BIRC6: variants seen among roughly 807,000 people sequenced by gnomAD.
BIRC6 encodes dual E2 ubiquitin-conjugating enzyme/E3 ubiquitin-protein ligase BIRC6.
Under a neutral mutation model 503.3 loss-of-function variants are expected in BIRC6, and 98 were observed. The ratio of observed to expected loss-of-function variants is 0.19; its 90% CI spans 0.17 to 0.23. The LOEUF (loss-of-function observed/expected upper bound fraction) is 0.23, where lower values mean the gene tolerates loss of function less well. Among genes scored for constraint, BIRC6 ranks in the 10% least tolerant of loss-of-function variants. The pLI is 1.00. For synonymous variants in BIRC6, 2,240 were observed against 2,078.7 expected, an observed-to-expected ratio of 1.08 and a Z score of -2.11; for missense variants, 5,360 against 5,806.0, an observed-to-expected ratio of 0.92 and a Z score of 2.50.
rs551642669 is a variant in BIRC6, at chr2:32,429,437, A to G, written c.3022+142A>G. ...TATGTTACTCAATATTTGTGAAGTCATCTAAGAGGTTAAAACAAACATTTC... is the reference window on the plus strand; with the variant it reads ...TATGTTACTCAATATTTGTGAAGTCGTCTAAGAGGTTAAAACAAACATTTC... On this transcript the variant is annotated intron_variant, in intron 11 of 73. Coordinates refer to ENST00000421745, the MANE Select transcript of BIRC6 (RefSeq NM_016252.4). 1.9e-5 allele frequency: 12 copies of G among 616,352 alleles called. No individual in the cohort carries two copies. In the South Asian group the frequency reaches 3.8e-4, roughly 19 times the overall value. The allele number at this position is 616,352 out of a possible 1,614,324, so 38.2% of individuals were successfully genotyped here.
At chr2:32,607,975 CAAAAAAA>C (rs35242178) in intron 72 of BIRC6, among the ~76,000 whole-genome samples, 9 of 51,918 alleles carry the variant, frequency 1.7e-4, no homozygotes, top group African/African-American at 2.5e-4. Flanking sequence ...ACTCCATCTC[CAAAAAAA>C]AAAAAAAAAA....
Position 32,575,164 on chromosome 2 carries a change from A to T in BIRC6, c.13153A>T (p.Met4385Leu). 6.2e-7 allele frequency: 1 copy of T among 1,613,958 alleles called. No homozygotes were observed. Among genetic ancestry groups the T allele is most frequent in the Non-Finnish European group, 8.5e-7 (1 of 1,179,874 alleles). ...TCTTCTTCTCCTTATAGTTCTGGACATGGCAAGACATGTGCCACTCTATCG... is the reference window on the plus strand; with the variant it reads ...TCTTCTTCTCCTTATAGTTCTGGACTTGGCAAGACATGTGCCACTCTATCG... Reference protein sequence around the residue: ...SYLRNDSVLDMARHVPLYRAL... With the variant: ...SYLRNDSVLDLARHVPLYRAL... Residue 4385 changes from methionine (M) to leucine (L), a missense_variant, in exon 66 of 74, where the codon ATG becomes TTG. Transcript: ENST00000421745.
chr2:32,511,216 T>TTTTTTTTTTTTTTTTTTTG (rs2054390420), intron 53 of BIRC6, among the ~76,000 whole-genome samples: 1 of 144,826 alleles, frequency 6.9e-6, no homozygotes, highest in African/African-American at 2.5e-5. Context: ...TTTTTTTTTT[T>TTTTTTTTTTTTTTTTTTTG]TTTTTTTTTT....
Position 32,511,133 on chromosome 2 carries a change from A to C in BIRC6, c.10346+499A>C, listed in dbSNP as rs1048218588. Among the ~76,000 whole-genome samples the C allele has an allele frequency of 3.3e-5, 5 of 151,530 alleles. No individual in the cohort carries two copies. The South Asian group carries it at 8.3e-4, about 25-fold the overall frequency. On this transcript the variant is annotated intron_variant, in intron 53 of 73. Coordinates refer to ENST00000421745, the MANE Select transcript of BIRC6 (RefSeq NM_016252.4). ...TTCCTGCTGTTTACAGAATGAAACAATATCATAACATGTAAATGACATTTG... is the reference window on the plus strand; with the variant it reads ...TTCCTGCTGTTTACAGAATGAAACACTATCATAACATGTAAATGACATTTG...
chr2:32,394,099 T>C (rs1027932728), intron 5 of BIRC6, among the ~76,000 whole-genome samples: 11 of 151,600 alleles, frequency 7.3e-5, no homozygotes, highest in African/African-American at 2.7e-4. Context: ...TCTAGCAACT[T>C]GTCTTTCTTT....
At chr2:32,600,178 T>C (rs1197480099) in intron 70 of BIRC6, among the ~76,000 whole-genome samples, 3 of 152,262 alleles carry the variant, frequency 2.0e-5, no homozygotes, top group South Asian at 4.1e-4. Flanking sequence ...TTTTAAGGTG[T>C]ACCTTATATT....
At chr2:32,447,685 G>A (rs536931194) in intron 21 of BIRC6, among the ~76,000 whole-genome samples, 2,812 of 108,322 alleles carry the variant, frequency 0.026, 56 homozygotes, top group Non-Finnish European at 0.038. Flanking sequence ...CGGACTGGGC[G>A]GCTGGCCGGG....
intron 30 of BIRC6, 145 bp from the exon 31 acceptor site, chr2:32,470,023 C>A: frequency 1.4e-6 from 1 of 696,846 alleles, no homozygotes; most frequent in Non-Finnish European, 2.1e-6. Context: ...AGATACAAAT[C>A]TTGCTTTCCC....
chr2:32,415,716 A>G lies in BIRC6; in HGVS notation c.2425A>G (p.Thr809Ala). The change falls in exon 10 of 74, where the codon ACT becomes GCT. Residue 809 changes from threonine (T) to alanine (A), a missense_variant. Physicochemically the swap from Thr to Ala is moderately conservative, Grantham distance 58. Around this residue, in one of 16 missense-constraint regions of BIRC6, gnomAD observed 700 missense variants for 739.3 expected, o/e 0.95. Transcript: ENST00000421745. ...ACATGAATCACCAGCAGATGTACAG[A>G]CTCCTTTAATAATTCAGCCTGAGCA... ...IQHESPADVQ[T>A]PLIIQPEQRN... The G allele has an allele frequency of 6.2e-7, 1 of 1,613,706 alleles. No homozygotes were observed. Among genetic ancestry groups the G allele is most frequent in the Non-Finnish European group, 8.5e-7 (1 of 1,179,822 alleles).
chr2:32,461,068 T>TTCTCTTCTCCTCTCCTCTCCTCTCC (rs2047890874), intron 23 of BIRC6, among the ~76,000 whole-genome samples: 6 of 26,838 alleles, frequency 2.2e-4, no homozygotes, highest in Non-Finnish European at 4.5e-4. Context: ...TTCTCTTCTG[T>TTCTCTTCTCCTCTCCTCTCCTCTCC]TCTCCTCTCC....
chr2:32,503,997 G>A (rs1225444606), intron 49 of BIRC6, among the ~76,000 whole-genome samples: 1 of 127,982 alleles, frequency 7.8e-6, no homozygotes, highest in Non-Finnish European at 1.6e-5. Flanking sequence ...GATTGCAGGC[G>A]TGTTTCACCA....
Position 32,545,661 on chromosome 2 carries a change from C to T in BIRC6, c.12611C>T (p.Pro4204Leu). 2 of 1,613,506 alleles carry T rather than the reference C, an allele frequency of 1.2e-6. No individual in the cohort carries two copies. The highest frequency in any genetic ancestry group is 1.7e-6 in the Non-Finnish European group (2 of 1,179,484). ...DGEGSHILQS[P>L]SANVLPTLPF... The stretch of plus-strand genomic sequence containing the variant: ...AATCTAGGTCATATTCTTCAATCTC[C>T]ATCAGCCAATGTGCTTCCAACCCTT... Residue 4204 changes from proline to leucine, a missense_variant, in exon 63 of 74, where the codon CCA becomes CTA. Physicochemically the swap from Pro to Leu is moderately conservative, Grantham distance 98. Around this residue, in one of 16 missense-constraint regions of BIRC6, gnomAD observed 477 missense variants for 574.4 expected, o/e 0.83. Coordinates refer to ENST00000421745, the MANE Select transcript of BIRC6 (RefSeq NM_016252.4).
At chr2:32,593,832 C>T in intron 66 of BIRC6, 83 bp from the exon 67 acceptor site, 2 of 1,205,832 alleles carry the variant, frequency 1.7e-6, no homozygotes, top group South Asian at 1.5e-5. Flanking sequence ...TGCACACACT[C>T]ATTTGTATAT....
intron 10 of BIRC6, among the ~76,000 whole-genome samples, chr2:32,417,216 A>ACCT (rs1451053595): frequency 2.0e-5 from 3 of 152,060 alleles, no homozygotes; most frequent in Non-Finnish European, 2.9e-5. Context: ...TGCAGCCTCA[A>ACCT]CCTCCTGGGT....
At chr2:32,573,563 C>T (rs146441956) in intron 65 of BIRC6, among the ~76,000 whole-genome samples, 38 of 152,190 alleles carry the variant, frequency 2.5e-4, no homozygotes, top group African/African-American at 6.0e-4. Context: ...CCTTATCTCA[C>T]GTTATTCACA....
rs148522235 is a variant in BIRC6 at position 32,448,810 on chromosome 2, C to G, written c.4500C>G (p.Ser1500Arg). The change falls in exon 22 of 74, where the codon AGC (serine) becomes AGG (arginine). Residue 1500 changes from serine to arginine, a missense_variant. Physicochemically the swap from Ser to Arg is moderately radical, Grantham distance 110. Coordinates refer to ENST00000421745, the MANE Select transcript of BIRC6 (RefSeq NM_016252.4). ...TATTTTTCAGATATGGATTATATAG[C>G]TCACCATTTGATCCAGTCCTCTTTG... The part of the protein sequence containing the change: ...ALLQTRYGLY[S>R]SPFDPVLFDL... 2 of 1,610,364 alleles carry G rather than the reference C, an allele frequency of 1.2e-6. No homozygotes were observed. The highest frequency in any genetic ancestry group is 1.7e-6 in the Non-Finnish European group (2 of 1,178,862).
rs2033295676 is a variant in BIRC6, at chr2:32,357,612, G to T, written c.325+126G>T. On this transcript the variant is annotated intron_variant, in intron 1 of 73. Transcript: ENST00000421745. The surrounding 1 kb of genome is among the most constrained non-coding windows in gnomAD (Gnocchi z 4.9). ...CAGGGCTGGGGGTTCGGGCCCAGCC[G>T]TGAAGGGAGGCCCGGAAGCTGATGG... The T allele has an allele frequency of 1.4e-6, 2 of 1,428,608 alleles. No homozygotes were observed. The highest frequency in any genetic ancestry group is 1.5e-5 in the African/African-American group (1 of 66,418). 88.5% of individuals were successfully genotyped at this position (1,428,608 alleles called of 1,614,324 possible). A position where few individuals can be genotyped will look rare whatever the true frequency, so the allele number is the denominator to read the frequency against.
At chr2:32,521,875 C>T (rs2055761132) in intron 57 of BIRC6, 7 of 152,026 alleles carry the variant, frequency 4.6e-5, no homozygotes. Context: ...GATTGTGTGC[C>T]TTACAATTTT....
At chr2:32,434,261 C>T (rs1254562413) in intron 13 of BIRC6, among the ~76,000 whole-genome samples, 6 of 152,108 alleles carry the variant, frequency 3.9e-5, no homozygotes, top group African/African-American at 1.4e-4. Context: ...GTAGATTATA[C>T]ACATTTAGCA....
Sources: allele counts gnomAD v4.1 joint callset (sites outside exome capture counted in the v4.1 genomes callset), GRCh38; gene constraint gnomAD v4.1.1; regional missense constraint gnomAD v4.1.1; non-coding constraint Gnocchi (gnomAD v3.1); transcripts MANE v1.5; gene names NCBI Gene and HGNC (gene_info 2026-07-23, HGNC 2026-07-21).